MTHFD1L: variants seen among roughly 807,000 people sequenced by gnomAD.
The protein encoded by MTHFD1L is methylenetetrahydrofolate dehydrogenase (NADP+ dependent) 1 like.
MTHFD1L carries 81 observed loss-of-function variants against 119.5 expected under a neutral mutation model. That is an observed-to-expected ratio of 0.68 (90% confidence interval 0.57 to 0.82). MTHFD1L has a LOEUF of 0.82. Among genes scored for constraint, MTHFD1L ranks in the 40% least tolerant of loss-of-function variants. The pLI, the probability that MTHFD1L is intolerant of heterozygous loss-of-function variation, is 0.00. For missense variants in MTHFD1L, 1,125 were observed against 1,253.4 expected, an observed-to-expected ratio of 0.90 and a Z score of 1.55; for synonymous variants, 430 against 475.2, an observed-to-expected ratio of 0.90 and a Z score of 1.24.
intron 17 of MTHFD1L, among the ~76,000 whole-genome samples, chr6:150,960,011 A>C (rs1796203904): frequency 6.6e-6 from 1 of 152,212 alleles, no homozygotes; most frequent in Non-Finnish European, 1.5e-5. Flanking sequence ...GAGCGGGTGT[A>C]ACAGGGGTCC....
At chr6:150,874,049 TGGACCCA>T (rs1175354708) in intron 1 of MTHFD1L, among the ~76,000 whole-genome samples, 1 of 152,108 alleles carries the variant, frequency 6.6e-6, no homozygotes, top group Non-Finnish European at 1.5e-5. Flanking sequence ...GGTGCTTTCC[TGGACCCA>T]GACAAAAATA....
chr6:150,913,457 G>A (rs1009319180), intron 8 of MTHFD1L, among the ~76,000 whole-genome samples: 4 of 151,778 alleles, frequency 2.6e-5, no homozygotes, highest in Non-Finnish European at 4.4e-5. Context: ...GAGCCACCGC[G>A]CCCAGTCCCA....
intron 7 of MTHFD1L, among the ~76,000 whole-genome samples, chr6:150,893,834 G>A (rs1280301986): frequency 1.3e-5 from 2 of 152,160 alleles, no homozygotes; most frequent in South Asian, 2.1e-4. Flanking sequence ...ATAGGCTTTG[G>A]GGACACACAG....
intron 11 of MTHFD1L, chr6:150,935,530 A>G (rs1215080681): frequency 1.3e-6 from 2 of 1,556,968 alleles, no homozygotes; most frequent in Non-Finnish European, 1.7e-6. Context: ...TGATCATTAA[A>G]AGAAAAATTT....
chr6:151,005,635 A>G (rs781134314), intron 20 of MTHFD1L, among the ~76,000 whole-genome samples: 15 of 152,252 alleles, frequency 9.9e-5, no homozygotes, highest in Middle Eastern at 3.4e-3. Flanking sequence ...TTAGCCGGGC[A>G]TGATGGCGGG....
At chr6:150,932,806 G>GGA (rs55981448) in intron 11 of MTHFD1L, among the ~76,000 whole-genome samples, 2 of 127,586 alleles carry the variant, frequency 1.6e-5, no homozygotes, top group African/African-American at 7.5e-5. Context: ...AAGGGAGGAA[G>GGA]AGAGGGAGGG....
At chr6:150,866,462 G>C in intron 1 of MTHFD1L, 1 of 1,320,998 alleles carries the variant, frequency 7.6e-7, no homozygotes, top group Non-Finnish European at 9.6e-7. Flanking sequence ...GCTGCGGCTC[G>C]GCGCGCCGGC....
chr6:151,007,400 TAGGA>T (rs1373132125), intron 20 of MTHFD1L, among the ~76,000 whole-genome samples: 6 of 151,426 alleles, frequency 4.0e-5, no homozygotes, highest in African/African-American at 1.2e-4. Context: ...CACAAATGCT[TAGGA>T]ATTCAATATG....
At chr6:151,037,173 C>T in intron 26 of MTHFD1L, 56 bp downstream of exon 26, 1 of 1,585,768 alleles carries the variant, frequency 6.3e-7, no homozygotes, top group Non-Finnish European at 8.6e-7. Flanking sequence ...TGTGGTGCCT[C>T]AAATCGTTAT....
In MTHFD1L at chr6:150,926,385, TC is replaced by T. The variant is rs1789990552; in HGVS notation, c.1256+92del. On this transcript the variant is annotated intron_variant, in intron 11 of 27. Coordinates refer to ENST00000367321, the MANE Select transcript of MTHFD1L (RefSeq NM_015440.5). The surrounding 1 kb of genome is among the most constrained non-coding windows in gnomAD (Gnocchi z 4.3). The stretch of plus-strand genomic sequence containing the variant: ...CTCTCTCCTCGTACCCCTCAATCCA[TC>T]CTATTCTCACATTTGACATTTCGTC... 3 of 1,140,292 alleles carry T rather than the reference TC, an allele frequency of 2.6e-6. No individual in the cohort carries two copies. In the African/African-American group the frequency reaches 4.7e-5, roughly 18 times the overall value. 70.6% of individuals were successfully genotyped at this position (1,140,292 alleles called of 1,614,324 possible).
Position 151,039,952 on chromosome 6 carries a change from A to G in MTHFD1L, c.2847+2835A>G, listed in dbSNP as rs1386016235. On this transcript the variant is annotated intron_variant, in intron 26 of 27. Coordinates refer to ENST00000367321, the MANE Select transcript of MTHFD1L (RefSeq NM_015440.5). The surrounding 1 kb of genome is among the most constrained non-coding windows in gnomAD (Gnocchi z 4.4). ...TACATACATACATACATACATGCAT[A>G]CATGCATACATGCATACATAGAATG... Among the ~76,000 whole-genome samples the G allele has an allele frequency of 8.0e-4, 119 of 148,612 alleles. No individual in the cohort carries two copies. Among genetic ancestry groups the G allele is most frequent in the Non-Finnish European group, 1.1e-3 (77 of 67,016 alleles).
chr6:150,868,362 C>T (rs1242552864), intron 1 of MTHFD1L, among the ~76,000 whole-genome samples: 1 of 144,216 alleles, frequency 6.9e-6, no homozygotes. Flanking sequence ...TTTTTTGAGA[C>T]GGAATCTCAC....
intron 11 of MTHFD1L, among the ~76,000 whole-genome samples, chr6:150,933,591 A>G (rs530057678): frequency 4.6e-5 from 7 of 152,230 alleles, no homozygotes; most frequent in Non-Finnish European, 7.3e-5. Context: ...CAGCGGTGTC[A>G]GGATAGGCTC....
intron 27 of MTHFD1L, among the ~76,000 whole-genome samples, chr6:151,094,553 T>C (rs1030627621): frequency 6.6e-6 from 1 of 151,106 alleles, no homozygotes; most frequent in South Asian, 2.1e-4. Context: ...TTTATGTATT[T>C]ATTTATTTGC....
At chr6:151,083,799 G>T (rs984918808) in intron 26 of MTHFD1L, among the ~76,000 whole-genome samples, 1 of 152,032 alleles carries the variant, frequency 6.6e-6, no homozygotes, top group Non-Finnish European at 1.5e-5. Flanking sequence ...GTGTATTCTA[G>T]CTGGCCATGA....
chr6:151,046,469 G>A (rs1198719100), intron 26 of MTHFD1L, among the ~76,000 whole-genome samples: 1 of 116,862 alleles, frequency 8.6e-6, no homozygotes, highest in African/African-American at 3.5e-5. Flanking sequence ...ATATGTGTGT[G>A]TGTATATATA....
At chr6:151,009,644 C>T (rs561541711) in intron 20 of MTHFD1L, among the ~76,000 whole-genome samples, 175 bp from the exon 21 acceptor site, 13 of 152,258 alleles carry the variant, frequency 8.5e-5, no homozygotes, top group Non-Finnish European at 4.4e-5. Context: ...GGCGCAGTCT[C>T]TTTAGGGCAG....
Position 151,001,478 on chromosome 6 carries a change from C to T in MTHFD1L, c.2126-8341C>T, listed in dbSNP as rs1304032077. On this transcript the variant is annotated intron_variant, in intron 20 of 27. Transcript: ENST00000367321. ...TGAGAATTTCAGATCTAAAGCGGTT[C>T]TTGCCTTTTCTTTTCCCTCCATGCA... Among the ~76,000 whole-genome samples the T allele has an allele frequency of 2.0e-5, 3 of 152,208 alleles. No homozygotes were observed. In the East Asian group the frequency reaches 5.8e-4, roughly 29 times the overall value.
At chr6:150,943,357 G>A (rs769731361) in intron 13 of MTHFD1L, among the ~76,000 whole-genome samples, 2 of 152,056 alleles carry the variant, frequency 1.3e-5, no homozygotes, top group African/African-American at 4.8e-5. Flanking sequence ...AGGGCTGGGC[G>A]TGGTGGCTCA....
Sources: gnomAD v4.1 joint callset for allele counts (sites outside exome capture counted in the v4.1 genomes callset) on GRCh38, gnomAD v4.1.1 for gene constraint, Gnocchi (gnomAD v3.1) non-coding constraint, MANE v1.5 for transcripts, NCBI Gene and HGNC (gene_info 2026-07-23, HGNC 2026-07-21) for gene names.